BTG4: variants seen among roughly 807,000 people sequenced by gnomAD.
The protein encoded by BTG4 is protein BTG4.
A neutral mutation model predicts 19.3 loss-of-function variants in BTG4; 10 were observed. The observed-to-expected ratio is 0.52, with a 90% confidence interval of 0.32 to 0.88. The LOEUF (loss-of-function observed/expected upper bound fraction) is 0.88, where lower values mean the gene tolerates loss of function less well. Among genes scored for constraint, BTG4 ranks in the 40% least tolerant of loss-of-function variants. The pLI, the probability that BTG4 is intolerant of heterozygous loss-of-function variation, is 0.04. For synonymous variants in BTG4, 91 were observed against 95.7 expected, an observed-to-expected ratio of 0.95 and a Z score of 0.29; for missense variants, 238 against 281.9, an observed-to-expected ratio of 0.84 and a Z score of 1.11.
At chr11:111,430,652 G>A in the BTG4 span, among the ~76,000 whole-genome samples, 1 of 152,196 alleles carries the variant, frequency 6.6e-6, no homozygotes, top group East Asian at 1.9e-4. Context: ...TTAGGGATTT[G>A]GGGGGTCCCA....
At chr11:111,470,359 A>G (rs773531522) in intron 5 of BTG4, among the ~76,000 whole-genome samples, 6 of 152,178 alleles carry the variant, frequency 3.9e-5, no homozygotes, top group Admixed American at 6.5e-5. Flanking sequence ...TTCTGGGATT[A>G]CAGGCATGAA....
chr11:111,483,096 C>T (rs1402601997), intron 5 of BTG4, among the ~76,000 whole-genome samples: 1 of 152,090 alleles, frequency 6.6e-6, no homozygotes, highest in Non-Finnish European at 1.5e-5. Flanking sequence ...TTCGCAAGAA[C>T]CAAAATAACC....
At chr11:111,443,284 C>A in the BTG4 span, among the ~76,000 whole-genome samples, 2 of 152,236 alleles carry the variant, frequency 1.3e-5, no homozygotes, top group South Asian at 4.1e-4. Context: ...TGAGAGTAGG[C>A]AAAGCAGACA....
upstream of BTG4, chr11:111,513,546 A>C: frequency 1.9e-6 from 1 of 512,828 alleles, no homozygotes; most frequent in South Asian, 1.4e-5. Context: ...CTGCCTGTGC[A>C]TCATCAATGT....
At position 111,512,259 on chromosome 11, in the gene BTG4, G is replaced by A. The variant is rs1459935834; in HGVS notation, c.-105C>T. ...GGCCTTCTTGGGGAATGAGGGAGTG[G>A]AGGAGCTCTTTGTCCCTCCTGCTAG... On this transcript the variant is annotated 5_prime_UTR_variant, in exon 1 of 5. Transcript: ENST00000692032. 2.0e-5 allele frequency: 3 copies of A among 152,256 alleles called. No homozygotes were observed. The East Asian group carries it at 5.8e-4, about 29-fold the overall frequency. The allele number at this position is 152,256 out of a possible 1,614,324, so 9.4% of individuals were successfully genotyped here.
At chr11:111,446,316 G>T in the BTG4 span, among the ~76,000 whole-genome samples, 2 of 152,094 alleles carry the variant, frequency 1.3e-5, no homozygotes, top group African/African-American at 4.8e-5. Context: ...CAATAAGTGG[G>T]GTTCATTACA....
chr11:111,387,430 C>A, the BTG4 span, among the ~76,000 whole-genome samples: 146 of 152,312 alleles, frequency 9.6e-4, no homozygotes, highest in Admixed American at 5.0e-3. Context: ...AAAAGGAAAT[C>A]ATATTCATGT....
At chr11:111,422,924 G>C in the BTG4 span, among the ~76,000 whole-genome samples, 12 of 152,156 alleles carry the variant, frequency 7.9e-5, no homozygotes, top group Non-Finnish European at 1.8e-4. Context: ...TCTTAGTAAG[G>C]CTGCACACCT....
At chr11:111,387,716 C>T in the BTG4 span, among the ~76,000 whole-genome samples, 1 of 152,172 alleles carries the variant, frequency 6.6e-6, no homozygotes, top group Non-Finnish European at 1.5e-5. Flanking sequence ...TATCTATGGC[C>T]TGAGACTGCC....
chr11:111,390,022 T>C, the BTG4 span, among the ~76,000 whole-genome samples: 6 of 152,228 alleles, frequency 3.9e-5, no homozygotes, highest in Non-Finnish European at 7.3e-5. Context: ...TGCTTTGAAG[T>C]ATTAGCCTCA....
the BTG4 span, among the ~76,000 whole-genome samples, chr11:111,419,512 C>T: frequency 6.6e-6 from 1 of 152,202 alleles, no homozygotes; most frequent in Non-Finnish European, 1.5e-5. Context: ...GGTGTCAATA[C>T]GGAAGAGAGA....
chr11:111,510,967 G>T (rs962568370), intron 1 of BTG4, among the ~76,000 whole-genome samples: 1 of 152,192 alleles, frequency 6.6e-6, no homozygotes, highest in African/African-American at 2.4e-5. Flanking sequence ...CAATTTGGTA[G>T]AAGAGAATCA....
chr11:111,441,956 G>A, the BTG4 span, among the ~76,000 whole-genome samples: 6 of 151,992 alleles, frequency 3.9e-5, no homozygotes, highest in Non-Finnish European at 8.8e-5. Context: ...CTACTCAGGA[G>A]GCTGAAGCAT....
the BTG4 span, among the ~76,000 whole-genome samples, chr11:111,423,185 C>A: frequency 6.7e-3 from 1,025 of 152,252 alleles, 10 homozygotes; most frequent in Non-Finnish European, 0.011. Context: ...GAAGGGCCAC[C>A]GCAGTGACAG....
upstream of BTG4, chr11:111,514,618 G>A (rs564619961): frequency 3.7e-4 from 228 of 617,538 alleles, no homozygotes; most frequent in African/African-American, 3.2e-3. Context: ...ATCACCGCAG[G>A]GGTGGGCTTC....
chr11:111,447,005 T>C, the BTG4 span, among the ~76,000 whole-genome samples: 8 of 152,310 alleles, frequency 5.3e-5, 1 homozygote, highest in Admixed American at 5.2e-4. Context: ...TAAGTCTTAG[T>C]CCTAATTACT....
intron 1 of BTG4, among the ~76,000 whole-genome samples, chr11:111,500,720 C>G (rs934512204): frequency 6.6e-6 from 1 of 151,738 alleles, no homozygotes. Flanking sequence ...CAGGTGTGCT[C>G]CACCCCTAAA....
the BTG4 span, chr11:111,451,265 A>C: frequency 5.4e-6 from 2 of 372,264 alleles, no homozygotes; most frequent in South Asian, 3.9e-5. Context: ...TCTATAACAC[A>C]CTGGAGCAAT....
At chr11:111,392,108 C>T in the BTG4 span, among the ~76,000 whole-genome samples, 2 of 150,580 alleles carry the variant, frequency 1.3e-5, no homozygotes, top group Admixed American at 6.6e-5. Flanking sequence ...GGTTACCTAG[C>T]TAGGCAAGGG....
Sources: gnomAD v4.1 joint callset for allele counts (sites outside exome capture counted in the v4.1 genomes callset) on GRCh38, gnomAD v4.1.1 for gene constraint, MANE v1.5 for transcripts, NCBI Gene and HGNC (gene_info 2026-07-23, HGNC 2026-07-21) for gene names.